FAM169A: variants seen among roughly 807,000 people sequenced by gnomAD.
FAM169A encodes the protein soluble lamin-associated protein of 75 kDa.
A neutral mutation model predicts 75.7 loss-of-function variants in FAM169A; 24 were observed. The observed-to-expected ratio is 0.32, with a 90% CI of 0.23 to 0.45. The LOEUF is 0.45. Ranked by LOEUF, FAM169A falls within the 20% of genes least tolerant of loss-of-function variation. The probability of loss-of-function intolerance (pLI) is 1.00; values close to 1 mark genes in which losing one functional copy is unlikely to be tolerated. For synonymous variants in FAM169A, 271 were observed against 271.0 expected (o/e 1.00, Z 0.00); for missense variants, 673 against 784.0 (o/e 0.86, Z 1.69).
intron 1 of FAM169A, among the ~76,000 whole-genome samples, chr5:74,857,367 A>G (rs1331797873): frequency 1.3e-5 from 2 of 151,820 alleles, no homozygotes; most frequent in African/African-American, 4.8e-5. Flanking sequence ...CCTGGGCAAC[A>G]CGGCAAAACC....
chr5:74,856,134 G>T (rs1749694135), intron 1 of FAM169A, among the ~76,000 whole-genome samples: 1 of 152,056 alleles, frequency 6.6e-6, no homozygotes, highest in African/African-American at 2.4e-5. Context: ...CTGTTCCATT[G>T]GTCTATGTGT....
chr5:74,807,598 T>C lies in FAM169A; in HGVS notation c.671-2314A>G, dbSNP rs546396477. Among the ~76,000 whole-genome samples, 8 of 152,342 alleles carry C rather than the reference T, an allele frequency of 5.3e-5. No homozygotes were observed. The East Asian group carries it at 1.5e-3, about 29-fold the overall frequency. On this transcript the variant is annotated intron_variant, in intron 6 of 12. Coordinates refer to ENST00000687041, the MANE Select transcript of FAM169A (RefSeq NM_001376049.1). Reference sequence around the variant, plus strand: ...ATGCAAAAAACATTTGTAACATTCATTACAGGACTACTTTTAAACTAGGAT... The same window carrying C: ...ATGCAAAAAACATTTGTAACATTCACTACAGGACTACTTTTAAACTAGGAT...
intron 11 of FAM169A, among the ~76,000 whole-genome samples, chr5:74,795,200 G>A (rs1182275699): frequency 6.6e-6 from 1 of 152,166 alleles, no homozygotes; most frequent in Non-Finnish European, 1.5e-5. Context: ...AGAGGTTGCA[G>A]TGAGCCAAGA....
rs58520219 is a variant in FAM169A at position 74,818,803 on chromosome 5, C to CTATATATA, written c.491-4792_491-4785dup. 1.8e-4 allele frequency among the ~76,000 whole-genome samples: 22 copies of CTATATATA among 121,644 alleles called. 1 individual carries two copies. Among genetic ancestry groups the CTATATATA allele is most frequent in the South Asian group, 1.6e-3 (6 of 3,676 alleles). The allele number at this position is 121,644 out of a possible 152,430, so 79.8% of individuals were successfully genotyped here. On this transcript the variant is annotated intron_variant, in intron 5 of 12. Transcript: ENST00000687041. ...TCTCTCTCTCTCTCTCTCTCTCTCT[C>CTATATATA]TATATATATATATATATATATGTCA... is the stretch of plus-strand genomic sequence containing the variant.
chr5:74,781,348 T>G lies in FAM169A; in HGVS notation c.*112A>C. 3 of 1,015,336 alleles carry G rather than the reference T, an allele frequency of 3.0e-6. No homozygotes were observed. Among genetic ancestry groups the G allele is most frequent in the Non-Finnish European group, 4.3e-6 (3 of 693,262 alleles). The allele number at this position is 1,015,336 out of a possible 1,614,324, so 62.9% of individuals were successfully genotyped here. On this transcript the variant is annotated 3_prime_UTR_variant, in exon 13 of 13. Transcript: ENST00000687041. ...AACTGCATAGTAAGTAAGTTCAAAT[T>G]GAAATTTTGGAAATTTTTGTCCTGT...
At chr5:74,865,491 A>G (rs1401015738) in intron 1 of FAM169A, 1 of 152,316 alleles carries the variant, frequency 6.6e-6, no homozygotes, top group Admixed American at 6.5e-5. Flanking sequence ...CATGGGAGTC[A>G]GTGTAATCCA....
chr5:74,812,876 G>A (rs531118568), intron 6 of FAM169A, among the ~76,000 whole-genome samples: 2 of 152,230 alleles, frequency 1.3e-5, no homozygotes, highest in Non-Finnish European at 2.9e-5. Flanking sequence ...TGAGGATGAA[G>A]ATGTGGAGAA....
chr5:74,821,992 T>C (rs1395159448), intron 5 of FAM169A, among the ~76,000 whole-genome samples: 3 of 152,186 alleles, frequency 2.0e-5, no homozygotes, highest in Non-Finnish European at 4.4e-5. Flanking sequence ...TCTCTTCACC[T>C]CAGAGTAGTC....
intron 10 of FAM169A, among the ~76,000 whole-genome samples, chr5:74,797,022 A>T (rs1746313150): frequency 6.6e-6 from 1 of 152,154 alleles, no homozygotes; most frequent in African/African-American, 2.4e-5. Context: ...ATTCAGCTTC[A>T]GACTTGTAGT....
In FAM169A at chr5:74,805,328, C is replaced by G. The variant is rs771925082; in HGVS notation, c.671-44G>C. 17 of 1,595,426 alleles carry G rather than the reference C, an allele frequency of 1.1e-5. No individual in the cohort carries two copies. The Admixed American group carries it at 2.9e-4, about 28-fold the overall frequency. The stretch of plus-strand genomic sequence containing the variant: ...ATTTTCTAGAAATCCCAAATATCCA[C>G]TGTTTTGAAAAACAGGAGTTGAAAA... On this transcript the variant is annotated intron_variant, in intron 6 of 12. Transcript: ENST00000687041.
chr5:74,800,794 AAAATATT>A, intron 10 of FAM169A, 79 bp downstream of exon 10: 1 of 459,060 alleles, frequency 2.2e-6, no homozygotes, highest in Non-Finnish European at 3.2e-6. Flanking sequence ...TATTATATAT[AAAATATT>A]AAATATTGAT....
intron 1 of FAM169A, among the ~76,000 whole-genome samples, chr5:74,842,420 C>CAAAAAAA (rs56653446): frequency 1.3e-4 from 3 of 22,478 alleles, no homozygotes; most frequent in Non-Finnish European, 2.3e-4. Context: ...GACTCTATCA[C>CAAAAAAA]AAAAAAAAAA....
intron 10 of FAM169A, chr5:74,799,427 T>C: frequency 6.2e-7 from 1 of 1,613,134 alleles, no homozygotes; most frequent in Non-Finnish European, 8.5e-7. Context: ...CGCTCCACAG[T>C]CCTCAGCTTG....
chr5:74,848,933 G>C (rs187774787), intron 1 of FAM169A: 1 of 152,192 alleles, frequency 6.6e-6, no homozygotes, highest in Admixed American at 6.5e-5. Flanking sequence ...AAAGCTGTCA[G>C]ATCAAATTCT....
chr5:74,826,284 T>C (rs1280926334), intron 5 of FAM169A, among the ~76,000 whole-genome samples: 1 of 152,206 alleles, frequency 6.6e-6, no homozygotes, highest in African/African-American at 2.4e-5. Flanking sequence ...TTAATCACCA[T>C]TTTTCACATC....
chr5:74,845,803 G>A (rs1749126832), intron 1 of FAM169A, among the ~76,000 whole-genome samples: 1 of 152,164 alleles, frequency 6.6e-6, no homozygotes, highest in Non-Finnish European at 1.5e-5. Context: ...ATGCAAGTAA[G>A]ATGTTATAGG....
At position 74,859,746 on chromosome 5, in the gene FAM169A, G is replaced by C. The variant is rs540326036; in HGVS notation, c.-4+6419C>G. On this transcript the variant is annotated intron_variant, in intron 1 of 12. Transcript: ENST00000687041. ...TTTGAAATGTACCTCAGCTGAGCAT[G>C]GTAGCTCATGCCTATAATCCCAGCA... 5.9e-5 allele frequency among the ~76,000 whole-genome samples: 9 copies of C among 152,224 alleles called. No individual in the cohort carries two copies. The South Asian group carries it at 1.7e-3, about 28-fold the overall frequency.
chr5:74,784,736 G>A (rs1416416915), intron 11 of FAM169A, among the ~76,000 whole-genome samples: 1 of 150,508 alleles, frequency 6.6e-6, no homozygotes, highest in Non-Finnish European at 1.5e-5. Context: ...GGCTAACATG[G>A]TGAAACTCCG....
At chr5:74,853,833 G>A (rs527613641) in intron 1 of FAM169A, among the ~76,000 whole-genome samples, 8 of 147,980 alleles carry the variant, frequency 5.4e-5, no homozygotes, top group South Asian at 4.3e-4. Flanking sequence ...TCAGCCTCCC[G>A]AGTAGCTAGG....
Sources: allele counts gnomAD v4.1 joint callset (sites outside exome capture counted in the v4.1 genomes callset), GRCh38; gene constraint gnomAD v4.1.1; transcripts MANE v1.5; gene names NCBI Gene and HGNC (gene_info 2026-07-23, HGNC 2026-07-21).